Variants in ARPC1B observed in about 807,000 individuals in gnomAD.
The protein encoded by ARPC1B is actin-related protein 2/3 complex subunit 1B.
A neutral mutation model predicts 46.0 loss-of-function variants in ARPC1B; 29 were observed. That is an observed-to-expected ratio of 0.63 (90% CI 0.47 to 0.86). The LOEUF is 0.86. ARPC1B is among the 40% of genes least tolerant of loss of function. The pLI, the probability that ARPC1B is intolerant of heterozygous loss-of-function variation, is 0.00. For missense variants in ARPC1B, 469 were observed against 529.4 expected (o/e 0.89, Z 1.12); for synonymous variants, 201 against 213.9 (o/e 0.94, Z 0.53).
chr7:99,392,913 C>T (rs1794617925), intron 8 of ARPC1B, 37 bp downstream of exon 8: 2 of 1,507,730 alleles, frequency 1.3e-6, no homozygotes. Flanking sequence ...TGGGCGGGGC[C>T]TCGGCTCGCC....
In ARPC1B at chr7:99,394,779, TAAAAA is replaced by T. The variant is rs773085531; in HGVS notation, c.*308_*312del. On this transcript the variant is annotated 3_prime_UTR_variant, in exon 10 of 10. Transcript: ENST00000646101. The stretch of plus-strand genomic sequence containing the variant: ...GTGGAGGTAATAAAATGCAACTGTG[TAAAAA>T]AAAAAAAAAAAAAAAAAGTAATTAT... 384 of 957,016 alleles carry T rather than the reference TAAAAA, an allele frequency of 4.0e-4. No homozygotes were observed. The highest frequency in any genetic ancestry group is 7.3e-4 in the East Asian group (12 of 16,518). The allele number at this position is 957,016 out of a possible 1,614,324, so 59.3% of individuals were successfully genotyped here. A position where few individuals can be genotyped will look rare whatever the true frequency, so the allele number is the denominator to read the frequency against.
At chr7:99,389,421 A>T (rs1240840627) in intron 4 of ARPC1B, 2 of 157,934 alleles carry the variant, frequency 1.3e-5, no homozygotes, top group African/African-American at 4.8e-5. Context: ...GGGTCTTGTC[A>T]CGTTGTCCAG....
intron 3 of ARPC1B, 63 bp from the exon 4 acceptor site, chr7:99,387,976 C>CA (rs1262345697): frequency 1.8e-6 from 2 of 1,121,662 alleles, no homozygotes; most frequent in Non-Finnish European, 1.3e-6. Flanking sequence ...CCCATGTGGC[C>CA]ACCATACAGC....
chr7:99,393,508 G>C (rs1033262914), intron 8 of ARPC1B, among the ~76,000 whole-genome samples: 2 of 151,982 alleles, frequency 1.3e-5, no homozygotes, highest in African/African-American at 4.8e-5. Flanking sequence ...GGAGCTGAGG[G>C]TCTCTCCGCA....
chr7:99,393,389 A>G (rs975461753), intron 8 of ARPC1B, among the ~76,000 whole-genome samples: 1 of 152,038 alleles, frequency 6.6e-6, no homozygotes, highest in Non-Finnish European at 1.5e-5. Context: ...GGACTGTCGT[A>G]GGGCTGGCCC....
intron 1 of ARPC1B, among the ~76,000 whole-genome samples, chr7:99,378,940 CT>C (rs1794121836): frequency 6.6e-6 from 1 of 151,504 alleles, no homozygotes. Context: ...CCACGCCCGG[CT>C]TAATTTTTTG....
At position 99,378,226 on chromosome 7, in the gene ARPC1B, AT is replaced by A. The variant is rs557812870; in HGVS notation, c.-14+3461del. 8.9e-3 allele frequency among the ~76,000 whole-genome samples: 1,227 copies of A among 138,456 alleles called. 8 individuals carry two copies. The highest frequency in any genetic ancestry group is 0.021 in the African/African-American group (781 of 37,876). 90.8% of individuals were successfully genotyped at this position (138,456 alleles called of 152,430 possible). A position where few individuals can be genotyped will look rare whatever the true frequency, so the allele number is the denominator to read the frequency against. On this transcript the variant is annotated intron_variant, in intron 1 of 9. Coordinates refer to ENST00000646101, the MANE Select transcript of ARPC1B (RefSeq NM_005720.4). ...AGGCGTACAGCATCACATCCCGCTA[AT>A]TTTTTTTTTTTTTTTGGTAGTTTTT...
intron 9 of ARPC1B, 74 bp from the exon 10 acceptor site, chr7:99,394,377 G>C (rs1794695738): frequency 7.5e-7 from 1 of 1,326,822 alleles, no homozygotes; most frequent in African/African-American, 1.4e-5. Context: ...GGCTGAGATG[G>C]GTGATCAGGT....
chr7:99,376,208 C>A (rs1044245062), intron 1 of ARPC1B, among the ~76,000 whole-genome samples: 1 of 152,178 alleles, frequency 6.6e-6, no homozygotes, highest in African/African-American at 2.4e-5. Context: ...GACTCCGTCT[C>A]TAAATAAATA....
Position 99,386,683 on chromosome 7 carries a change from A to G in ARPC1B, c.65-2A>G. The G allele has an allele frequency of 1.2e-6, 2 of 1,611,102 alleles. No individual in the cohort carries two copies. The highest frequency in any genetic ancestry group is 1.7e-6 in the Non-Finnish European group (2 of 1,177,312). On this transcript the variant is annotated splice_acceptor_variant, in intron 2 of 9. Coordinates refer to ENST00000646101, the MANE Select transcript of ARPC1B (RefSeq NM_005720.4). LOFTEE classifies it high-confidence loss of function. The stretch of plus-strand genomic sequence containing the variant: ...CTCAATCTCCCTCCATCTCCCCTTC[A>G]GAGATTGCCATCTGCCCCAACAACC...
chr7:99,389,556 G>A (rs991021534), intron 4 of ARPC1B: 1 of 250,892 alleles, frequency 4.0e-6, no homozygotes, highest in Non-Finnish European at 7.9e-6. Flanking sequence ...GCATGGCTGA[G>A]GGCAGAGGCC....
chr7:99,377,078 C>T (rs1015078988), intron 1 of ARPC1B, among the ~76,000 whole-genome samples: 1 of 152,038 alleles, frequency 6.6e-6, no homozygotes, highest in African/African-American at 2.4e-5. Context: ...ATGGCTTGAT[C>T]ATAACTCACT....
At chr7:99,383,762 G>A (rs941717556) in intron 1 of ARPC1B, among the ~76,000 whole-genome samples, 3 of 152,194 alleles carry the variant, frequency 2.0e-5, no homozygotes, top group Non-Finnish European at 4.4e-5. Flanking sequence ...CCCGAGGCAG[G>A]TGCATGCCTG....
chr7:99,381,871 C>T (rs1794235841), intron 1 of ARPC1B, among the ~76,000 whole-genome samples: 1 of 152,202 alleles, frequency 6.6e-6, no homozygotes, highest in East Asian at 1.9e-4. Context: ...CTGGGCAGGG[C>T]AGTGACGGGG....
At chr7:99,380,238 G>A (rs1315307748) in intron 1 of ARPC1B, among the ~76,000 whole-genome samples, 1 of 152,206 alleles carries the variant, frequency 6.6e-6, no homozygotes, top group Non-Finnish European at 1.5e-5. Flanking sequence ...CCTGAGGCAG[G>A]AGACTGGAGC....
intron 1 of ARPC1B, among the ~76,000 whole-genome samples, chr7:99,385,261 G>T (rs1171902419): frequency 7.5e-6 from 1 of 133,256 alleles, no homozygotes; most frequent in Non-Finnish European, 1.6e-5. Context: ...TGGCCTGGAT[G>T]ACTTCATCTT....
chr7:99,393,299 G>A (rs978594967), intron 8 of ARPC1B, among the ~76,000 whole-genome samples: 1 of 152,214 alleles, frequency 6.6e-6, no homozygotes, highest in African/African-American at 2.4e-5. Flanking sequence ...AGACGGGGTC[G>A]ACCTCTTTAG....
At chr7:99,393,048 G>A (rs559842762) in intron 8 of ARPC1B, among the ~76,000 whole-genome samples, 172 bp downstream of exon 8, 3 of 152,270 alleles carry the variant, frequency 2.0e-5, no homozygotes, top group Admixed American at 2.0e-4. Flanking sequence ...CCGGAACGGC[G>A]TCTGATGAGC....
At chr7:99,385,424 A>G (rs1794357468) in intron 1 of ARPC1B, among the ~76,000 whole-genome samples, 1 of 151,654 alleles carries the variant, frequency 6.6e-6, no homozygotes, top group African/African-American at 2.4e-5. Flanking sequence ...CCCCTGTAGT[A>G]CCGTCTCCTC....
Sources: gnomAD v4.1 joint callset for allele counts (sites outside exome capture counted in the v4.1 genomes callset) on GRCh38, gnomAD v4.1.1 for gene constraint, MANE v1.5 for transcripts, NCBI Gene and HGNC (gene_info 2026-07-23, HGNC 2026-07-21) for gene names.